The following PDE4D variants were observed in gnomAD, a reference collection of about 807,000 sequenced individuals.
PDE4D encodes the protein phosphodiesterase 4D.
A neutral mutation model predicts 87.4 loss-of-function variants in PDE4D; 24 were observed. That is an observed-to-expected ratio of 0.27 (90% CI 0.20 to 0.39). The LOEUF (loss-of-function observed/expected upper bound fraction) is 0.39. PDE4D is among the 10% of genes least tolerant of loss of function. The probability of loss-of-function intolerance (pLI) is 1.00; values close to 1 mark genes in which losing one functional copy is unlikely to be tolerated. For synonymous variants in PDE4D, 384 were observed against 383.2 expected, an observed-to-expected ratio of 1.00 and a Z score of -0.02; for missense variants, 714 against 1,041.0, an observed-to-expected ratio of 0.69 and a Z score of 4.32.
chr5:59,882,771 T>G (rs1400380094), intron 1 of PDE4D, among the ~76,000 whole-genome samples: 1 of 53,082 alleles, frequency 1.9e-5, no homozygotes, highest in African/African-American at 1.3e-4. Flanking sequence ...CCTTTCCTTC[T>G]TTTTTTTTTT....
chr5:60,260,810 G>A (rs1749571576), intron 1 of PDE4D, among the ~76,000 whole-genome samples: 2 of 152,046 alleles, frequency 1.3e-5, no homozygotes, highest in Non-Finnish European at 2.9e-5. Flanking sequence ...TGTGTCTTCT[G>A]TACTAGAAGT....
At chr5:59,854,514 C>A (rs1745133233) in intron 1 of PDE4D, among the ~76,000 whole-genome samples, 1 of 151,934 alleles carries the variant, frequency 6.6e-6, no homozygotes, top group Non-Finnish European at 1.5e-5. Context: ...CTAATGATTT[C>A]TTCCTTTGAA....
intron 1 of PDE4D, among the ~76,000 whole-genome samples, chr5:59,337,357 G>A (rs796329429): frequency 1.5e-5 from 2 of 132,656 alleles, no homozygotes; most frequent in African/African-American, 5.6e-5. Flanking sequence ...TTTTTGACAC[G>A]GAGTCTCGCT....
chr5:60,412,615 T>C (rs1246544328), intron 1 of PDE4D, among the ~76,000 whole-genome samples: 1 of 152,208 alleles, frequency 6.6e-6, no homozygotes, highest in Admixed American at 6.5e-5. Context: ...GCAAAAGGAT[T>C]CCATCACCCA....
At chr5:59,065,762 A>G (rs998743571) in intron 5 of PDE4D, among the ~76,000 whole-genome samples, 1 of 152,178 alleles carries the variant, frequency 6.6e-6, no homozygotes, top group Non-Finnish European at 1.5e-5. Flanking sequence ...GTTTGATGAT[A>G]TCATTCACAT....
intron 2 of PDE4D, among the ~76,000 whole-genome samples, chr5:60,104,954 C>T (rs1439544216): frequency 6.6e-6 from 1 of 152,140 alleles, no homozygotes; most frequent in Non-Finnish European, 1.5e-5. Context: ...CAGCAGAGCC[C>T]CTCTCCTCCT....
chr5:59,843,885 C>T (rs1458713855), intron 1 of PDE4D, among the ~76,000 whole-genome samples: 2 of 152,044 alleles, frequency 1.3e-5, no homozygotes, highest in African/African-American at 2.4e-5. Flanking sequence ...GAATTTTGCT[C>T]CCCTCAATTT....
chr5:60,439,925 A>C (rs1188433946), intron 1 of PDE4D, among the ~76,000 whole-genome samples: 2 of 132,660 alleles, frequency 1.5e-5, no homozygotes, highest in Admixed American at 7.1e-5. Flanking sequence ...TTAAAAAAAA[A>C]AACAAAAAAA....
intron 5 of PDE4D, among the ~76,000 whole-genome samples, chr5:59,127,605 AC>A (rs370382085): frequency 5.8e-5 from 2 of 34,420 alleles, no homozygotes; most frequent in Non-Finnish European, 1.3e-4. Context: ...TTCCCTCCCC[AC>A]CCCCCCACCC....
At chr5:58,997,515 T>TC (rs1013562845) in intron 6 of PDE4D, among the ~76,000 whole-genome samples, 24 of 152,254 alleles carry the variant, frequency 1.6e-4, no homozygotes, top group African/African-American at 5.8e-4. Context: ...GACAAAACAT[T>TC]AAACTGCTGT....
intron 3 of PDE4D, among the ~76,000 whole-genome samples, chr5:59,189,466 C>T (rs1050370827): frequency 9.2e-5 from 14 of 152,044 alleles, no homozygotes; most frequent in Non-Finnish European, 1.8e-4. Context: ...CTCTTTCTTT[C>T]ATCAGAGTCT....
intron 2 of PDE4D, among the ~76,000 whole-genome samples, chr5:60,066,983 C>T (rs577271742): frequency 2.6e-5 from 4 of 152,188 alleles, no homozygotes; most frequent in African/African-American, 9.6e-5. Context: ...TCTCACACTA[C>T]TTCAATGATT....
chr5:59,162,788 G>A (rs961334303), intron 5 of PDE4D, among the ~76,000 whole-genome samples: 4 of 147,614 alleles, frequency 2.7e-5, no homozygotes, highest in Admixed American at 1.4e-4. Context: ...CCAGGAGGTC[G>A]AGGCTGCAGT....
At chr5:59,782,042 G>C (rs769200675) in intron 1 of PDE4D, among the ~76,000 whole-genome samples, 1 of 152,058 alleles carries the variant, frequency 6.6e-6, no homozygotes, top group Non-Finnish European at 1.5e-5. Flanking sequence ...TTTTGAGTAT[G>C]TGTTATGTTT....
At chr5:59,894,402 T>G (rs1203180694), upstream of PDE4D, among the ~76,000 whole-genome samples, 1 of 152,158 alleles carries the variant, frequency 6.6e-6, no homozygotes, top group African/African-American at 2.4e-5. Flanking sequence ...AAAAATTGGA[T>G]CTGGGTGAAG....
intron 1 of PDE4D, among the ~76,000 whole-genome samples, chr5:59,387,506 G>A (rs1198682749): frequency 6.6e-6 from 1 of 152,100 alleles, no homozygotes; most frequent in Non-Finnish European, 1.5e-5. Context: ...TTCTCAATGA[G>A]AAAGAAAGAG....
intron 1 of PDE4D, among the ~76,000 whole-genome samples, chr5:59,547,692 T>C (rs553008314): frequency 6.6e-6 from 1 of 152,336 alleles, no homozygotes; most frequent in Non-Finnish European, 1.5e-5. Flanking sequence ...TGAGATACTC[T>C]TCACATATGA....
chr5:60,174,368 C>G (rs1451746163), intron 2 of PDE4D, among the ~76,000 whole-genome samples: 1 of 151,766 alleles, frequency 6.6e-6, no homozygotes, highest in African/African-American at 2.4e-5. Flanking sequence ...TATACATGGA[C>G]GGGAGTGACA....
At chr5:59,753,321 C>A (rs1328280693) in intron 1 of PDE4D, among the ~76,000 whole-genome samples, 4 of 151,898 alleles carry the variant, frequency 2.6e-5, no homozygotes, top group African/African-American at 9.7e-5. Flanking sequence ...GTGAAATAAT[C>A]CATAGGCCTA....
Sources: gnomAD v4.1 joint callset for allele counts (sites outside exome capture counted in the v4.1 genomes callset) on GRCh38, gnomAD v4.1.1 for gene constraint, MANE v1.5 for transcripts, NCBI Gene and HGNC (gene_info 2026-07-23, HGNC 2026-07-21) for gene names.